DNASE2B: variants seen among roughly 807,000 people sequenced by gnomAD.
The protein encoded by DNASE2B is deoxyribonuclease 2 beta, also known as deoxyribonuclease-2-beta.
DNASE2B carries 43 observed loss-of-function variants against 46.0 expected under a neutral mutation model. The ratio of observed to expected loss-of-function variants is 0.94; its 90% CI spans 0.73 to 1.21. DNASE2B has a LOEUF of 1.21. DNASE2B is among the 50% of genes most tolerant of loss of function. DNASE2B has a pLI of 0.00. For missense variants in DNASE2B, 395 were observed against 414.4 expected, an observed-to-expected ratio of 0.95 and a Z score of 0.41; for synonymous variants, 156 against 152.5, an observed-to-expected ratio of 1.02 and a Z score of -0.17.
chr1:84,401,798 C>G lies in DNASE2B; in HGVS notation c.126-103C>G, dbSNP rs1680423589. The G allele has an allele frequency of 9.9e-6, 9 of 905,882 alleles. No homozygotes were observed. In the South Asian group the frequency reaches 2.0e-4, roughly 20 times the overall value. 56.1% of individuals were successfully genotyped at this position (905,882 alleles called of 1,614,324 possible). ...GCAAATCCCTTTCCTTAGAGGCCTT[C>G]CATGAAACAGAAATGAGAGATATAT... On this transcript the variant is annotated intron_variant, in intron 1 of 5. Coordinates refer to ENST00000370665, the MANE Select transcript of DNASE2B (RefSeq NM_021233.3).
At chr1:84,410,477 A>G (rs553459921) in intron 3 of DNASE2B, among the ~76,000 whole-genome samples, 1 of 152,338 alleles carries the variant, frequency 6.6e-6, no homozygotes, top group East Asian at 1.9e-4. Context: ...AGCAGTGAAG[A>G]CACTATCTAA....
At chr1:84,401,000 G>C (rs1254068058) in intron 1 of DNASE2B, among the ~76,000 whole-genome samples, 4 of 152,144 alleles carry the variant, frequency 2.6e-5, no homozygotes, top group Non-Finnish European at 5.9e-5. Flanking sequence ...TTACGGGTTT[G>C]TGACACTGTT....
At chr1:84,402,264 A>G (rs905263793) in intron 2 of DNASE2B, among the ~76,000 whole-genome samples, 186 bp downstream of exon 2, 13 of 152,330 alleles carry the variant, frequency 8.5e-5, no homozygotes, top group African/African-American at 3.1e-4. Flanking sequence ...GAAACATGTC[A>G]TCATACTCTA....
At position 84,411,028 on chromosome 1, in the gene DNASE2B, C is replaced by A. The variant is rs199974554; in HGVS notation, c.547+29C>A. Reference sequence around the variant, plus strand: ...AAACTAAAGTATGTGAGAAAAAAAACGATAACTATGTTGAAGAAATGATTT... The same window carrying A: ...AAACTAAAGTATGTGAGAAAAAAAAAGATAACTATGTTGAAGAAATGATTT... On this transcript the variant is annotated intron_variant, in intron 4 of 5. Coordinates refer to ENST00000370665, the MANE Select transcript of DNASE2B (RefSeq NM_021233.3). 6.4e-5 allele frequency: 101 copies of A among 1,574,018 alleles called. 1 individual carries two copies. Among genetic ancestry groups the A allele is most frequent in the African/African-American group, 5.3e-4 (39 of 73,704 alleles).
intron 1 of DNASE2B, among the ~76,000 whole-genome samples, chr1:84,401,134 G>T (rs1680395908): frequency 6.6e-6 from 1 of 152,130 alleles, no homozygotes; most frequent in South Asian, 2.1e-4. Context: ...GGGTAATTTT[G>T]CCCTCAGAGG....
Position 84,414,946 on chromosome 1 carries a change from T to C in DNASE2B, c.*78T>C, listed in dbSNP as rs959469220. ...CTTCCATTACACCTTCTTTATATTT[T>C]AAAGGCCTGTGAATATACTTATAAC... On this transcript the variant is annotated 3_prime_UTR_variant, in exon 6 of 6. Transcript: ENST00000370665. The C allele has an allele frequency of 4.7e-6, 5 of 1,054,780 alleles. No individual in the cohort carries two copies. In the African/African-American group the frequency reaches 8.0e-5, roughly 17 times the overall value. The allele number at this position is 1,054,780 out of a possible 1,614,324, so 65.3% of individuals were successfully genotyped here.
intron 1 of DNASE2B, 80 bp downstream of exon 1, chr1:84,398,769 A>G: frequency 6.4e-7 from 1 of 1,552,876 alleles, no homozygotes; most frequent in Admixed American, 1.8e-5. Flanking sequence ...GAAGTTCCTA[A>G]GGGGAATGTC....
chr1:84,400,172 C>T (rs1003187910), intron 1 of DNASE2B, among the ~76,000 whole-genome samples: 1 of 152,070 alleles, frequency 6.6e-6, no homozygotes, highest in African/African-American at 2.4e-5. Flanking sequence ...AGTTCAAGAC[C>T]AGCCTGACCA....
rs568167278 is a variant in DNASE2B at position 84,406,990 on chromosome 1, G to C, written c.304-1447G>C. On this transcript the variant is annotated intron_variant, in intron 2 of 5. Transcript: ENST00000370665. Reference sequence around the variant, plus strand: ...TGTGACTATATTTTCTGCTAGACAGGGGGCAGAGACTGTACCCCTCTTGTT... The same window carrying C: ...TGTGACTATATTTTCTGCTAGACAGCGGGCAGAGACTGTACCCCTCTTGTT... 7.2e-5 allele frequency among the ~76,000 whole-genome samples: 11 copies of C among 152,256 alleles called. 1 individual carries two copies. In the East Asian group the frequency reaches 1.3e-3, roughly 19 times the overall value.
At chr1:84,410,780 C>G in intron 3 of DNASE2B, 58 bp from the exon 4 acceptor site, 1 of 1,547,518 alleles carries the variant, frequency 6.5e-7, no homozygotes, top group Non-Finnish European at 8.8e-7. Flanking sequence ...ACTGTGAACC[C>G]TATTATAAAA....
At chr1:84,400,044 A>G (rs2101846209) in intron 1 of DNASE2B, among the ~76,000 whole-genome samples, 1 of 152,310 alleles carries the variant, frequency 6.6e-6, no homozygotes, top group Non-Finnish European at 1.5e-5. Context: ...GATGGGCTGC[A>G]GCCAGTAGGA....
At chr1:84,408,568 C>A in intron 3 of DNASE2B, 50 bp downstream of exon 3, 1 of 1,503,842 alleles carries the variant, frequency 6.6e-7, no homozygotes, top group Non-Finnish European at 9.1e-7. Context: ...TCAACAATTT[C>A]TTAAATATTT....
intron 1 of DNASE2B, among the ~76,000 whole-genome samples, chr1:84,400,322 C>T (rs142047033): frequency 0.011 from 1,710 of 152,040 alleles, 28 homozygotes; most frequent in African/African-American, 0.039. Context: ...GAACCAAGAT[C>T]GTGCCATTGC....
intron 2 of DNASE2B, among the ~76,000 whole-genome samples, chr1:84,404,164 C>T (rs930614683): frequency 6.6e-6 from 1 of 152,032 alleles, no homozygotes; most frequent in African/African-American, 2.4e-5. Context: ...CTTGCACCAC[C>T]TCTTCTATGT....
intron 2 of DNASE2B, among the ~76,000 whole-genome samples, chr1:84,403,907 C>T (rs1680458989): frequency 6.6e-6 from 1 of 151,062 alleles, no homozygotes; most frequent in African/African-American, 2.4e-5. Flanking sequence ...CCACCTCAGC[C>T]TCTGGAGTAG....
At chr1:84,412,762 G>A (rs554568261) in intron 5 of DNASE2B, among the ~76,000 whole-genome samples, 19 of 151,890 alleles carry the variant, frequency 1.3e-4, no homozygotes, top group Admixed American at 8.5e-4. Context: ...ACGGGCCAGT[G>A]AAAACTCAGT....
At chr1:84,400,929 G>T (rs555823386) in intron 1 of DNASE2B, among the ~76,000 whole-genome samples, 2 of 152,316 alleles carry the variant, frequency 1.3e-5, no homozygotes, top group Admixed American at 6.5e-5. Flanking sequence ...AGCAGGGCAG[G>T]AAAGAGTTCA....
Position 84,414,537 on chromosome 1 carries a change from C to T in DNASE2B, c.755C>T (p.Ala252Val), listed in dbSNP as rs1452425486. ...KSDSFLDDIF[A>V]AWMAQRLKTH... is the part of the protein sequence containing the mutation. ...TCCTCCTAAACCCTAGACATCTTTG[C>T]AGCCTGGATGGCTCAACGGCTGAAG... Residue 252 changes from alanine to valine, a missense_variant, in exon 6 of 6, where the codon GCA (alanine) becomes GTA (valine). By Grantham distance (64) the Ala-to-Val change is moderately conservative. Coordinates refer to ENST00000370665, the MANE Select transcript of DNASE2B (RefSeq NM_021233.3). 6.2e-7 allele frequency: 1 copy of T among 1,606,270 alleles called. No individual in the cohort carries two copies. Among genetic ancestry groups the T allele is most frequent in the Non-Finnish European group, 8.5e-7 (1 of 1,176,372 alleles).
In DNASE2B at chr1:84,414,725, A is replaced by G. The variant is rs1184918085; in HGVS notation, c.943A>G (p.Thr315Ala). 1 of 1,614,210 alleles carries G rather than the reference A, an allele frequency of 6.2e-7. No homozygotes were observed. Among genetic ancestry groups the G allele is most frequent in the Non-Finnish European group, 8.5e-7 (1 of 1,180,020 alleles). Residue 315 changes from threonine (T) to alanine (A), a missense_variant, in exon 6 of 6, where the codon ACC becomes GCC. Physicochemically the swap from Thr to Ala is moderately conservative, Grantham distance 58. Transcript: ENST00000370665. ...CAAGTGGTGTATTTCCCAAAAGGGC[A>G]CCAAAAATCGCTGGACATGTATTGG... ...HAKWCISQKGTKNRWTCIGDL... is the reference protein window; with the variant it reads ...HAKWCISQKGAKNRWTCIGDL...
Sources: gnomAD v4.1 joint callset for allele counts (sites outside exome capture counted in the v4.1 genomes callset) on GRCh38, gnomAD v4.1.1 for gene constraint, MANE v1.5 for transcripts, NCBI Gene and HGNC (gene_info 2026-07-23, HGNC 2026-07-21) for gene names.